SYCP2L: variants seen among roughly 807,000 people sequenced by gnomAD.
SYCP2L encodes the protein synaptonemal complex protein 2-like.
SYCP2L carries 98 observed loss-of-function variants against 125.8 expected under a neutral mutation model. That is an observed-to-expected ratio of 0.78 (90% confidence interval 0.66 to 0.92). The LOEUF is 0.92. Among genes scored for constraint, SYCP2L ranks in the 40% least tolerant of loss-of-function variants. SYCP2L has a pLI of 0.00. For synonymous variants in SYCP2L, 317 were observed against 325.4 expected, an observed-to-expected ratio of 0.97 and a Z score of 0.28; for missense variants, 842 against 936.4, an observed-to-expected ratio of 0.90 and a Z score of 1.32.
intron 8 of SYCP2L, among the ~76,000 whole-genome samples, chr6:10,904,714 G>T (rs1166913261): frequency 6.6e-6 from 1 of 152,124 alleles, no homozygotes; most frequent in African/African-American, 2.4e-5. Context: ...AATTAATTTC[G>T]CTCAGTGGTA....
At chr6:10,907,892 G>GATTTTTTTTTTTTTTTTTTTTTTTTTGTT (rs1407220779) in intron 10 of SYCP2L, among the ~76,000 whole-genome samples, 1 of 91,922 alleles carries the variant, frequency 1.1e-5, no homozygotes, top group African/African-American at 4.1e-5. Context: ...ATACAGATAG[G>GATTTTTTTTTTTTTTTTTTTTTTTTTGTT]TTTTTTTTTT....
At chr6:10,939,331 T>C (rs1258597305) in intron 21 of SYCP2L, among the ~76,000 whole-genome samples, 2 of 152,216 alleles carry the variant, frequency 1.3e-5, no homozygotes, top group Admixed American at 6.5e-5. Context: ...ATTCAACTGC[T>C]ATCAAATTTC....
In SYCP2L at chr6:10,958,272, G is replaced by A. The variant is rs1477207812; in HGVS notation, c.2164-512G>A. Reference sequence around the variant, plus strand: ...TTCTGCAGGCCATACAGGAAGCATGGCACTGGCATCTGCTTGGCTTCTGGG... The same window carrying A: ...TTCTGCAGGCCATACAGGAAGCATGACACTGGCATCTGCTTGGCTTCTGGG... On this transcript the variant is annotated intron_variant, in intron 25 of 29. Transcript: ENST00000283141. Among the ~76,000 whole-genome samples the A allele has an allele frequency of 2.0e-5, 3 of 152,056 alleles. No homozygotes were observed. The East Asian group carries it at 5.8e-4, about 29-fold the overall frequency.
chr6:10,920,747 C>T (rs1368868395), intron 14 of SYCP2L, among the ~76,000 whole-genome samples: 5 of 145,830 alleles, frequency 3.4e-5, no homozygotes, highest in African/African-American at 5.2e-5. Context: ...GGTACATGTG[C>T]GGGATGTACA....
At chr6:10,933,319 G>A (rs1781031937) in intron 20 of SYCP2L, among the ~76,000 whole-genome samples, 1 of 152,158 alleles carries the variant, frequency 6.6e-6, no homozygotes, top group Non-Finnish European at 1.5e-5. Flanking sequence ...AGCCAGAGAC[G>A]GAATGGAAAC....
At chr6:10,907,892 G>GTTTTTTTTTCTTTTTTTTTT (rs1554105092) in intron 10 of SYCP2L, among the ~76,000 whole-genome samples, 1 of 91,922 alleles carries the variant, frequency 1.1e-5, no homozygotes, top group Non-Finnish European at 2.0e-5. Flanking sequence ...ATACAGATAG[G>GTTTTTTTTTCTTTTTTTTTT]TTTTTTTTTT....
In SYCP2L at chr6:10,963,767, A is replaced by G. The variant is rs2113423222; in HGVS notation, c.2415-15A>G. On this transcript the variant is annotated splice_polypyrimidine_tract_variant and intron_variant, in intron 28 of 29. Coordinates refer to ENST00000283141, the MANE Select transcript of SYCP2L (RefSeq NM_001040274.3). Reference sequence around the variant, plus strand: ...CTAATGTGAATATAATAAGAGATGGACCAATTTCTTCCAGGTTCAATTCAA... The same window carrying G: ...CTAATGTGAATATAATAAGAGATGGGCCAATTTCTTCCAGGTTCAATTCAA... 5 of 1,613,458 alleles carry G rather than the reference A, an allele frequency of 3.1e-6. No homozygotes were observed. The highest frequency in any genetic ancestry group is 3.4e-6 in the Non-Finnish European group (4 of 1,179,544).
At chr6:10,897,970 C>A in intron 4 of SYCP2L, 41 bp from the exon 5 acceptor site, 2 of 1,239,506 alleles carry the variant, frequency 1.6e-6, no homozygotes, top group Non-Finnish European at 2.4e-6. Context: ...GAATAGGCAG[C>A]ATTTAGTCTT....
intron 26 of SYCP2L, among the ~76,000 whole-genome samples, chr6:10,959,408 G>C (rs555913024): frequency 6.6e-6 from 1 of 152,224 alleles, no homozygotes; most frequent in South Asian, 2.1e-4. Flanking sequence ...GAAAGGAGGA[G>C]CTGTGGTTTA....
At chr6:10,891,655 G>T in intron 2 of SYCP2L, 74 bp downstream of exon 2, 1 of 799,516 alleles carries the variant, frequency 1.3e-6, no homozygotes, top group South Asian at 1.9e-5. Flanking sequence ...GTGTGTGTGT[G>T]TGTGTGTGTA....
chr6:10,925,261 C>T (rs1489937530), intron 15 of SYCP2L, among the ~76,000 whole-genome samples: 1 of 152,160 alleles, frequency 6.6e-6, no homozygotes, highest in East Asian at 1.9e-4. Flanking sequence ...TCAGTTACCT[C>T]CCATGGGGTC....
In SYCP2L at chr6:10,961,376, C is replaced by T. The variant is rs767548871; in HGVS notation, c.2327C>T (p.Ala776Val). The part of the protein sequence containing the change: ...ELSSLKQDIQ[A>V]LEHLEKEVLE... The stretch of plus-strand genomic sequence containing the variant: ...AGCAGTCTTAAGCAGGATATTCAGG[C>T]CCTGGAACACCTTGAGAAGGAGGTT... The change falls in exon 27 of 30, where the codon GCC becomes GTC. Residue 776 changes from alanine (A) to valine (V), a missense_variant. Coordinates refer to ENST00000283141, the MANE Select transcript of SYCP2L (RefSeq NM_001040274.3). 2 of 1,614,134 alleles carry T rather than the reference C, an allele frequency of 1.2e-6. No individual in the cohort carries two copies. Among genetic ancestry groups the T allele is most frequent in the Non-Finnish European group, 1.7e-6 (2 of 1,180,008 alleles).
chr6:10,920,150 G>T (rs1780769096), intron 14 of SYCP2L, among the ~76,000 whole-genome samples: 1 of 152,128 alleles, frequency 6.6e-6, no homozygotes. Flanking sequence ...ATCTCCTGGT[G>T]GGGAGAATCT....
chr6:10,891,418 A>ATTTTTTT (rs61237589), intron 1 of SYCP2L, 95 bp from the exon 2 acceptor site: 2 of 474,180 alleles, frequency 4.2e-6, no homozygotes, highest in African/African-American at 2.4e-5. Context: ...CAAACCTTTA[A>ATTTTTTT]TTTTTTTTTT....
At chr6:10,941,535 G>A (rs937268429) in intron 21 of SYCP2L, among the ~76,000 whole-genome samples, 22 of 152,124 alleles carry the variant, frequency 1.4e-4, no homozygotes, top group Admixed American at 5.9e-4. Flanking sequence ...GCAGCCAACA[G>A]ACACATGAAA....
At chr6:10,957,621 C>T (rs73432995) in intron 25 of SYCP2L, among the ~76,000 whole-genome samples, 3,159 of 152,068 alleles carry the variant, frequency 0.021, 112 homozygotes, top group African/African-American at 0.071. Flanking sequence ...AAGATCAGCC[C>T]GTGCAACATA....
At chr6:10,920,822 G>C (rs1780785713) in intron 14 of SYCP2L, among the ~76,000 whole-genome samples, 1 of 150,168 alleles carries the variant, frequency 6.7e-6, no homozygotes, top group Non-Finnish European at 1.5e-5. Context: ...TGTTATAATT[G>C]CGTTCCTTTT....
At chr6:10,921,333 A>G (rs770609699) in intron 14 of SYCP2L, among the ~76,000 whole-genome samples, 15 of 152,280 alleles carry the variant, frequency 9.9e-5, no homozygotes, top group Non-Finnish European at 2.1e-4. Flanking sequence ...TAGTGCTGCA[A>G]TGAACATAGG....
intron 29 of SYCP2L, among the ~76,000 whole-genome samples, chr6:10,966,139 TAACAAC>T (rs1192012629): frequency 6.7e-6 from 1 of 148,154 alleles, no homozygotes; most frequent in Non-Finnish European, 1.5e-5. Flanking sequence ...ACAACAACAA[TAACAAC>T]AACAACAACC....
Sources: gnomAD v4.1 joint callset for allele counts (sites outside exome capture counted in the v4.1 genomes callset) on GRCh38, gnomAD v4.1.1 for gene constraint, MANE v1.5 for transcripts, NCBI Gene and HGNC (gene_info 2026-07-23, HGNC 2026-07-21) for gene names.